The following RTL10 variants were observed in gnomAD, a reference collection of about 807,000 sequenced individuals.
RTL10 encodes the protein protein Bop.
For missense variants in RTL10, 477 were observed against 470.7 expected (o/e 1.01, Z -0.12); for synonymous variants, 199 against 188.4 (o/e 1.06, Z -0.46).
In RTL10 at chr22:19,849,202, T is replaced by C. The variant is rs549476561; in HGVS notation, c.*1965A>G. 4 of 985,414 alleles carry C rather than the reference T, an allele frequency of 4.1e-6. No individual in the cohort carries two copies. The highest frequency in any genetic ancestry group is 1.7e-5 in the African/African-American group (1 of 57,368). The allele number at this position is 985,414 out of a possible 1,614,324, so 61.0% of individuals were successfully genotyped here. On this transcript the variant is annotated 3_prime_UTR_variant, in exon 3 of 3. Transcript: ENST00000328554. ...CAGGGCTATACCTGCTTTCTAAAAA[T>C]AGCTTCCCACCTATTTCCAAGGTTT...
chr22:19,854,803 C>G lies in RTL10; in HGVS notation c.-466G>C, dbSNP rs1043485486. 6.6e-6 allele frequency: 1 copy of G among 152,432 alleles called. No individual in the cohort carries two copies. The highest frequency in any genetic ancestry group is 6.5e-5 in the Admixed American group (1 of 15,290). 9.4% of individuals were successfully genotyped at this position (152,432 alleles called of 1,614,324 possible). On this transcript the variant is annotated 5_prime_UTR_variant, in exon 1 of 3. Transcript: ENST00000328554. Reference sequence around the variant, plus strand: ...GGAGTTCAAGCCGGCCGCCCGGGCTCCCGCCTCCACACTGACCCTCTTGCC... The same window carrying G: ...GGAGTTCAAGCCGGCCGCCCGGGCTGCCGCCTCCACACTGACCCTCTTGCC...
Position 19,849,355 on chromosome 22 carries a change from G to A in RTL10, c.*1812C>T, listed in dbSNP as rs1938038557. 2.1e-6 allele frequency: 2 copies of A among 950,702 alleles called. No individual in the cohort carries two copies. The highest frequency in any genetic ancestry group is 4.9e-5 in the South Asian group (1 of 20,586). 58.9% of individuals were successfully genotyped at this position (950,702 alleles called of 1,614,324 possible). On this transcript the variant is annotated 3_prime_UTR_variant, in exon 3 of 3. Transcript: ENST00000328554. Reference sequence around the variant, plus strand: ...CAACAATTTATATTTTTCTAAATAAGGTTTTTGTTTTTTGTTGTTTTTTTT... The same window carrying A: ...CAACAATTTATATTTTTCTAAATAAAGTTTTTGTTTTTTGTTGTTTTTTTT...
Position 19,851,569 on chromosome 22 carries a change from G to A in RTL10, c.693C>T (p.Pro231=). ...TGGCCATGGCGGCTGGTAAAGACCT[G>A]GGGGCAGTACCCATGTCGAGTGCCA... is the stretch of plus-strand genomic sequence containing the variant. ...EGLALDMGTA[P]RSLPAAMATP... The change falls in exon 3 of 3, where the codon CCC becomes CCT. Residue 231 remains proline, a synonymous_variant. Transcript: ENST00000328554. 1.2e-6 allele frequency: 2 copies of A among 1,611,578 alleles called. No individual in the cohort carries two copies. The highest frequency in any genetic ancestry group is 1.7e-6 in the Non-Finnish European group (2 of 1,178,310).
In RTL10 at chr22:19,847,579, C is replaced by A; in HGVS notation, c.*3588G>T. ...CGGGGAGGGGAGGAGGCAAGGCCAA[C>A]CTCCAGTCCCTGCTCTAAACCCCCA... On this transcript the variant is annotated 3_prime_UTR_variant, in exon 3 of 3. Transcript: ENST00000328554. 1.0e-6 allele frequency: 1 copy of A among 985,138 alleles called. No individual in the cohort carries two copies. Among genetic ancestry groups the A allele is most frequent in the Non-Finnish European group, 1.2e-6 (1 of 829,850 alleles). 61.0% of individuals were successfully genotyped at this position (985,138 alleles called of 1,614,324 possible).
In RTL10 at chr22:19,850,814, T is replaced by A. The variant is rs907890903; in HGVS notation, c.*353A>T. 2 of 1,271,164 alleles carry A rather than the reference T, an allele frequency of 1.6e-6. No individual in the cohort carries two copies. Among genetic ancestry groups the A allele is most frequent in the Non-Finnish European group, 2.0e-6 (2 of 1,012,176 alleles). The allele number at this position is 1,271,164 out of a possible 1,614,324, so 78.7% of individuals were successfully genotyped here. A position where few individuals can be genotyped will look rare whatever the true frequency, so the allele number is the denominator to read the frequency against. On this transcript the variant is annotated 3_prime_UTR_variant, in exon 3 of 3. Transcript: ENST00000328554. ...CCAGTGTGGAAGACACCAAGGGGGG[T>A]GTTTTATGGGGGTGGAGGTGACAAA...
Position 19,852,107 on chromosome 22 carries a change from C to G in RTL10, c.155G>C (p.Cys52Ser). ...CGTTCGCACACACACGGTGTCCCCA[C>G]AGCAGGGCCGCTCAATCCAGGGATC... ...LVDPWIERPCCGDTVCVRTTM... is the reference protein window; with the variant it reads ...LVDPWIERPCSGDTVCVRTTM... The change falls in exon 3 of 3, where the codon TGT becomes TCT. Residue 52 changes from cysteine (C) to serine (S), a missense_variant. Transcript: ENST00000328554. The G allele has an allele frequency of 1.9e-6, 3 of 1,614,250 alleles. No homozygotes were observed. Among genetic ancestry groups the G allele is most frequent in the Non-Finnish European group, 2.5e-6 (3 of 1,180,050 alleles).
rs1486564598 is a variant in RTL10 at position 19,846,152 on chromosome 22, C to T, written c.*5015G>A. On this transcript the variant is annotated 3_prime_UTR_variant, in exon 3 of 3. Coordinates refer to ENST00000328554, the MANE Select transcript of RTL10 (RefSeq NM_024627.6). ...AAGCCCCAAACTCAGTGGCTTCGCACATCAAAAATTTATTTCTTGCTCATA... is the reference window on the plus strand; with the variant it reads ...AAGCCCCAAACTCAGTGGCTTCGCATATCAAAAATTTATTTCTTGCTCATA... The T allele has an allele frequency of 6.6e-6, 1 of 152,564 alleles. No homozygotes were observed. Among genetic ancestry groups the T allele is most frequent in the Non-Finnish European group, 1.5e-5 (1 of 68,362 alleles). 9.5% of individuals were successfully genotyped at this position (152,564 alleles called of 1,614,324 possible). A position where few individuals can be genotyped will look rare whatever the true frequency, so the allele number is the denominator to read the frequency against.
chr22:19,852,534 A>G, intron 2 of RTL10, 48 bp from the exon 3 acceptor site: 1 of 450,436 alleles, frequency 2.2e-6, no homozygotes, highest in South Asian at 3.7e-5. Flanking sequence ...CCTAACCATC[A>G]CCCACTGGAC....
chr22:19,846,760 G>T lies in RTL10; in HGVS notation c.*4407C>A. On this transcript the variant is annotated 3_prime_UTR_variant, in exon 3 of 3. Transcript: ENST00000328554. ...ACAGACACAGACAGGGACACGGCAAGAAGATGGCTATCTGCAGGCCAAGGA... is the reference window on the plus strand; with the variant it reads ...ACAGACACAGACAGGGACACGGCAATAAGATGGCTATCTGCAGGCCAAGGA... The T allele has an allele frequency of 2.7e-6, 1 of 371,560 alleles. No homozygotes were observed. Among genetic ancestry groups the T allele is most frequent in the Non-Finnish European group, 3.7e-6 (1 of 268,734 alleles). The allele number at this position is 371,560 out of a possible 1,614,324, so 23.0% of individuals were successfully genotyped here. A position where few individuals can be genotyped will look rare whatever the true frequency, so the allele number is the denominator to read the frequency against.
chr22:19,851,438 C>A lies in RTL10; in HGVS notation c.824G>T (p.Ser275Ile), dbSNP rs763673672. The change falls in exon 3 of 3, where the codon AGT becomes ATT. Residue 275 changes from serine (S) to isoleucine (I), a missense_variant. Physicochemically the swap from Ser to Ile is moderately radical, Grantham distance 142. Coordinates refer to ENST00000328554, the MANE Select transcript of RTL10 (RefSeq NM_024627.6). ...PGPKEPPVLP[S>I]STCSSKPGPV... is the part of the protein sequence containing the mutation. ...ACCAGGCTTGGAGCTACATGTAGAACTGGGCAGGACTGGGGGCTCCTTGGG... is the reference window on the plus strand; with the variant it reads ...ACCAGGCTTGGAGCTACATGTAGAAATGGGCAGGACTGGGGGCTCCTTGGG... The A allele has an allele frequency of 7.4e-6, 12 of 1,614,054 alleles. No homozygotes were observed. Among genetic ancestry groups the A allele is most frequent in the East Asian group, 2.2e-5 (1 of 44,872 alleles).
chr22:19,848,724 T>C lies in RTL10; in HGVS notation c.*2443A>G. On this transcript the variant is annotated 3_prime_UTR_variant, in exon 3 of 3. Coordinates refer to ENST00000328554, the MANE Select transcript of RTL10 (RefSeq NM_024627.6). ...TGGCCCTCAGACACACGGCAGACCA[T>C]AACTCACACACCCCCAGGAGCTGCC... 1.0e-6 allele frequency: 1 copy of C among 985,430 alleles called. No homozygotes were observed. Among genetic ancestry groups the C allele is most frequent in the Non-Finnish European group, 1.2e-6 (1 of 830,000 alleles). 61.0% of individuals were successfully genotyped at this position (985,430 alleles called of 1,614,324 possible).
rs1938119899 is a variant in RTL10 at position 19,852,109 on chromosome 22, G to C, written c.153C>G (p.Cys51Trp). ...TTCGCACACACACGGTGTCCCCACA[G>C]CAGGGCCGCTCAATCCAGGGATCCA... is the stretch of plus-strand genomic sequence containing the variant. ...PLVDPWIERP[C>W]CGDTVCVRTT... The change falls in exon 3 of 3, where the codon TGC (cysteine) becomes TGG (tryptophan). Residue 51 changes from cysteine (C) to tryptophan (W), a missense_variant. By Grantham distance (215) the Cys-to-Trp change is radical (BLOSUM62 -2). Coordinates refer to ENST00000328554, the MANE Select transcript of RTL10 (RefSeq NM_024627.6). The C allele has an allele frequency of 1.5e-5, 25 of 1,614,246 alleles. No homozygotes were observed. The highest frequency in any genetic ancestry group is 2.1e-5 in the Non-Finnish European group (25 of 1,180,042).
Position 19,851,277 on chromosome 22 carries a change from C to T in RTL10, c.985G>A (p.Glu329Lys). ...TCTCCCTCTGTCTCCAAAACCTCCTCCTCTGTTTTCTGGGGTTTTGGACCT... is the reference window on the plus strand; with the variant it reads ...TCTCCCTCTGTCTCCAAAACCTCCTTCTCTGTTTTCTGGGGTTTTGGACCT... Reference protein sequence around the residue: ...PGGPKPQKTEEEVLETEGDQE... With the variant: ...PGGPKPQKTEKEVLETEGDQE... Residue 329 changes from glutamate to lysine, a missense_variant, in exon 3 of 3, where the codon GAG becomes AAG. By Grantham distance (56) the Glu-to-Lys change is moderately conservative. Transcript: ENST00000328554. The T allele has an allele frequency of 1.2e-6, 2 of 1,613,014 alleles. No homozygotes were observed. Among genetic ancestry groups the T allele is most frequent in the Non-Finnish European group, 8.5e-7 (1 of 1,179,462 alleles).
Position 19,847,639 on chromosome 22 carries a change from G to A in RTL10, c.*3528C>T. The stretch of plus-strand genomic sequence containing the variant: ...ACCGAACCATGACCACCCCTGGCAA[G>A]AGCCTTCATGCACCTAGCAAGTAGT... On this transcript the variant is annotated 3_prime_UTR_variant, in exon 3 of 3. Transcript: ENST00000328554. The A allele has an allele frequency of 1.1e-6, 1 of 919,818 alleles. No individual in the cohort carries two copies. Among genetic ancestry groups the A allele is most frequent in the South Asian group, 4.9e-5 (1 of 20,362 alleles). 57.0% of individuals were successfully genotyped at this position (919,818 alleles called of 1,614,324 possible). A position where few individuals can be genotyped will look rare whatever the true frequency, so the allele number is the denominator to read the frequency against.
Position 19,847,744 on chromosome 22 carries a change from A to C in RTL10, c.*3423T>G. ...TCCCACCAACAGTATGAGAAGGTCC[A>C]CTTCTCCATACCTCCACAACTCTGG... On this transcript the variant is annotated 3_prime_UTR_variant, in exon 3 of 3. Coordinates refer to ENST00000328554, the MANE Select transcript of RTL10 (RefSeq NM_024627.6). 1 of 972,834 alleles carries C rather than the reference A, an allele frequency of 1.0e-6. No individual in the cohort carries two copies. The highest frequency in any genetic ancestry group is 1.8e-5 in the African/African-American group (1 of 54,262). 60.3% of individuals were successfully genotyped at this position (972,834 alleles called of 1,614,324 possible).
intron 2 of RTL10, among the ~76,000 whole-genome samples, chr22:19,853,543 G>A (rs1441251066): frequency 1.3e-5 from 2 of 152,166 alleles, no homozygotes; most frequent in East Asian, 1.9e-4. Context: ...CTCACTGGGA[G>A]CACAAGGCCT....
Position 19,852,481 on chromosome 22 carries a change from G to A in RTL10, c.-220C>T, listed in dbSNP as rs2145907742. The A allele has an allele frequency of 1.7e-6, 1 of 579,224 alleles. No homozygotes were observed. Among genetic ancestry groups the A allele is most frequent in the African/African-American group, 1.9e-5 (1 of 53,554 alleles). 35.9% of individuals were successfully genotyped at this position (579,224 alleles called of 1,614,324 possible). On this transcript the variant is annotated 5_prime_UTR_variant, in exon 3 of 3. Transcript: ENST00000328554. ...CTGTCAGTCGCAGGCCATCATCCGA[G>A]GCAATCTGTCCAAAGACAAGGTGGG...
In RTL10 at chr22:19,851,360, G is replaced by A. The variant is rs113321225; in HGVS notation, c.902C>T (p.Pro301Leu). Reference sequence around the variant, plus strand: ...AGGATTAGCTGACTCCGACAGTCTAGGGACAGGTGTGGGGGCTGCCTCCTC... The same window carrying A: ...AGGATTAGCTGACTCCGACAGTCTAAGGACAGGTGTGGGGGCTGCCTCCTC... ...QPEEAAPTPV[P>L]RLSESANPPA... Residue 301 changes from proline (P) to leucine (L), a missense_variant, in exon 3 of 3, where the codon CCT (proline) becomes CTT (leucine). Coordinates refer to ENST00000328554, the MANE Select transcript of RTL10 (RefSeq NM_024627.6). 1.1e-5 allele frequency: 18 copies of A among 1,614,184 alleles called. No homozygotes were observed. Among genetic ancestry groups the A allele is most frequent in the African/African-American group, 1.1e-4 (8 of 75,042 alleles).
rs149659075 is a variant in RTL10 at position 19,846,896 on chromosome 22, C to G, written c.*4271G>C. ...AGTCCCCTAGCCTGCGGTCCTTTGT[C>G]AGGCAGCCCCAGCAGACAAACAGGT... On this transcript the variant is annotated 3_prime_UTR_variant, in exon 3 of 3. Transcript: ENST00000328554. 764 of 982,940 alleles carry G rather than the reference C, an allele frequency of 7.8e-4. 4 individuals are homozygous for G. In the African/African-American group the frequency reaches 0.012, roughly 16 times the overall value. 60.9% of individuals were successfully genotyped at this position (982,940 alleles called of 1,614,324 possible). A position where few individuals can be genotyped will look rare whatever the true frequency, so the allele number is the denominator to read the frequency against.
Sources: allele counts gnomAD v4.1 joint callset (sites outside exome capture counted in the v4.1 genomes callset), GRCh38; gene constraint gnomAD v4.1.1; transcripts MANE v1.5; gene names NCBI Gene and HGNC (gene_info 2026-07-23, HGNC 2026-07-21).